SPIRE1: variants seen among roughly 807,000 people sequenced by gnomAD.
SPIRE1 encodes protein spire homolog 1.
SPIRE1 carries 40 observed loss-of-function variants against 94.1 expected under a neutral mutation model. The observed-to-expected ratio is 0.43, with a 90% CI of 0.33 to 0.55. The LOEUF is 0.55. Ranked by LOEUF, SPIRE1 falls within the 20% of genes least tolerant of loss-of-function variation. The pLI is 0.06. For missense variants in SPIRE1, 838 were observed against 975.2 expected, an observed-to-expected ratio of 0.86 and a Z score of 1.87; for synonymous variants, 376 against 371.7, an observed-to-expected ratio of 1.01 and a Z score of -0.13.
chr18:12,551,363 T>A (rs984549233), intron 2 of SPIRE1, among the ~76,000 whole-genome samples: 1 of 152,162 alleles, frequency 6.6e-6, no homozygotes, highest in African/African-American at 2.4e-5. Context: ...AAATAAAATA[T>A]TTAGTAGAAA....
chr18:12,635,310 AG>A (rs1360813857), intron 1 of SPIRE1, among the ~76,000 whole-genome samples: 1 of 152,184 alleles, frequency 6.6e-6, no homozygotes, highest in African/African-American at 2.4e-5. Flanking sequence ...AAAAAAGGTG[AG>A]AAAAAAATGC....
chr18:12,531,828 C>A (rs953946974), intron 4 of SPIRE1, among the ~76,000 whole-genome samples: 1 of 152,130 alleles, frequency 6.6e-6, no homozygotes, highest in Non-Finnish European at 1.5e-5. Flanking sequence ...AATATAATTT[C>A]ATTTTCTCCA....
intron 12 of SPIRE1, among the ~76,000 whole-genome samples, chr18:12,458,562 C>T (rs2031636384): frequency 1.3e-5 from 2 of 152,012 alleles, no homozygotes; most frequent in Admixed American, 1.3e-4. Context: ...TGCAGTGAGC[C>T]GATATCGCGT....
At chr18:12,507,829 A>G (rs2033888466) in intron 5 of SPIRE1, among the ~76,000 whole-genome samples, 1 of 152,138 alleles carries the variant, frequency 6.6e-6, no homozygotes, top group African/African-American at 2.4e-5. Context: ...ATATTTAGCT[A>G]AAAACCTGTA....
intron 12 of SPIRE1, among the ~76,000 whole-genome samples, chr18:12,461,463 T>TATATACATACATGTGTGTATGTATGC (rs2031818500): frequency 6.6e-6 from 1 of 151,442 alleles, no homozygotes; most frequent in African/African-American, 2.4e-5. Context: ...TGTATGTATG[T>TATATACATACATGTGTGTATGTATGC]ACATATGTAC....
chr18:12,614,312 G>C (rs1157032105), intron 2 of SPIRE1, among the ~76,000 whole-genome samples: 1 of 152,058 alleles, frequency 6.6e-6, no homozygotes, highest in African/African-American at 2.4e-5. Context: ...AATGAAAGTT[G>C]ATTTGACCTG....
intron 10 of SPIRE1, among the ~76,000 whole-genome samples, chr18:12,465,622 A>C (rs980419307): frequency 6.6e-6 from 1 of 152,222 alleles, no homozygotes; most frequent in Non-Finnish European, 1.5e-5. Flanking sequence ...TATTTAATAC[A>C]TTTATACAAG....
intron 2 of SPIRE1, among the ~76,000 whole-genome samples, chr18:12,576,443 G>A (rs1386812406): frequency 6.6e-6 from 1 of 150,930 alleles, no homozygotes; most frequent in Non-Finnish European, 1.5e-5. Context: ...TTAGCCAGGT[G>A]TGGTGGCGGG....
intron 11 of SPIRE1, among the ~76,000 whole-genome samples, chr18:12,463,770 T>C (rs948724161): frequency 9.2e-5 from 14 of 152,198 alleles, no homozygotes; most frequent in Admixed American, 5.2e-4. Context: ...CAATGTACCC[T>C]CTTTTTACAT....
chr18:12,543,568 G>A (rs2035070568), intron 3 of SPIRE1, among the ~76,000 whole-genome samples: 1 of 151,984 alleles, frequency 6.6e-6, no homozygotes, highest in South Asian at 2.1e-4. Context: ...ACCTCACAGT[G>A]TTACCCTAAG....
chr18:12,493,152 T>G lies in SPIRE1; in HGVS notation c.1109A>C (p.His370Pro), dbSNP rs975088552. ...KPTPPRPRSL[H>P]ERILEEIKAE... ...TTTAATTTCTTCTAATATTCTTTCATGGAGGCTCCGTGGCCGTGGTGGAGT... is the reference window on the plus strand; with the variant it reads ...TTTAATTTCTTCTAATATTCTTTCAGGGAGGCTCCGTGGCCGTGGTGGAGT... Residue 370 changes from histidine to proline, a missense_variant, in exon 8 of 17, where the codon CAT becomes CCT. His to Pro is a moderately conservative substitution (Grantham distance 77). Around this residue, in one of 2 missense-constraint regions of SPIRE1, gnomAD observed 645 missense variants for 804.7 expected, o/e 0.80. Transcript: ENST00000409402. 2 of 1,613,702 alleles carry G rather than the reference T, an allele frequency of 1.2e-6. No individual in the cohort carries two copies. The highest frequency in any genetic ancestry group is 1.7e-6 in the Non-Finnish European group (2 of 1,179,960).
At chr18:12,504,027 T>G (rs770939932) in intron 6 of SPIRE1, among the ~76,000 whole-genome samples, 2 of 147,554 alleles carry the variant, frequency 1.4e-5, no homozygotes, top group Non-Finnish European at 3.0e-5. Flanking sequence ...GACCCTCAGC[T>G]CTGCCTTGTA....
chr18:12,463,602 GGA>G (rs2031965265), intron 11 of SPIRE1, 109 bp from the exon 12 acceptor site: 1 of 903,520 alleles, frequency 1.1e-6, no homozygotes, highest in Admixed American at 2.6e-5. Context: ...TTATTTCATT[GGA>G]GAGATATTTT....
chr18:12,513,290 A>C (rs1478481853), intron 4 of SPIRE1, among the ~76,000 whole-genome samples: 1 of 152,176 alleles, frequency 6.6e-6, no homozygotes, highest in Admixed American at 6.5e-5. Context: ...TTCACATATT[A>C]ATTCTAAATT....
At chr18:12,563,843 C>T (rs932068254) in intron 2 of SPIRE1, among the ~76,000 whole-genome samples, 1 of 152,028 alleles carries the variant, frequency 6.6e-6, no homozygotes, top group Non-Finnish European at 1.5e-5. Context: ...ACTATTAAAG[C>T]CAAACAAATC....
chr18:12,602,151 G>A (rs1333957608), intron 2 of SPIRE1, among the ~76,000 whole-genome samples: 1 of 152,054 alleles, frequency 6.6e-6, no homozygotes, highest in Non-Finnish European at 1.5e-5. Flanking sequence ...CACATAAAGG[G>A]CTGAGTTACT....
intron 2 of SPIRE1, among the ~76,000 whole-genome samples, chr18:12,576,574 T>G (rs1401481727): frequency 5.8e-5 from 5 of 85,582 alleles, no homozygotes; most frequent in Non-Finnish European, 1.0e-4. Flanking sequence ...AGAAGGAGAC[T>G]CCATCTCAAA....
chr18:12,557,871 T>C (rs1177460349), intron 2 of SPIRE1, among the ~76,000 whole-genome samples: 3 of 152,058 alleles, frequency 2.0e-5, no homozygotes, highest in Non-Finnish European at 1.5e-5. Flanking sequence ...TCCATACATC[T>C]ACAATGAACT....
At position 12,588,750 on chromosome 18, in the gene SPIRE1, C is replaced by T. The variant is rs563911002; in HGVS notation, c.373-41846G>A. On this transcript the variant is annotated intron_variant, in intron 2 of 16. Transcript: ENST00000409402. ...ATATGTCAGCTGCTATTAAAAACTCCGGAAAACTACACAGATTTTCCTAAA... is the reference window on the plus strand; with the variant it reads ...ATATGTCAGCTGCTATTAAAAACTCTGGAAAACTACACAGATTTTCCTAAA... Among the ~76,000 whole-genome samples, 7 of 152,248 alleles carry T rather than the reference C, an allele frequency of 4.6e-5. No individual in the cohort carries two copies. The South Asian group carries it at 8.3e-4, about 18-fold the overall frequency.
Sources: gnomAD v4.1 joint callset for allele counts (sites outside exome capture counted in the v4.1 genomes callset) on GRCh38, gnomAD v4.1.1 for gene constraint, gnomAD v4.1.1 regional missense constraint, MANE v1.5 for transcripts, NCBI Gene and HGNC (gene_info 2026-07-23, HGNC 2026-07-21) for gene names.